Variants in YPEL2 observed in about 807,000 individuals in gnomAD.
YPEL2 encodes protein yippee-like 2.
Under a neutral mutation model 19.1 loss-of-function variants are expected in YPEL2, and 2 were observed. That is an observed-to-expected ratio of 0.10 (90% CI 0.04 to 0.33). The LOEUF (loss-of-function observed/expected upper bound fraction) is 0.33, where lower values mean the gene tolerates loss of function less well. Ranked by LOEUF, YPEL2 falls within the 10% of genes least tolerant of loss-of-function variation. YPEL2 has a pLI of 1.00. For synonymous variants in YPEL2, 52 were observed against 50.0 expected (o/e 1.04, Z -0.17); for missense variants, 66 against 140.7 (o/e 0.47, Z 2.68).
At chr17:59,388,433 T>A (rs1037490610) in intron 3 of YPEL2, 63 bp downstream of exon 3, 9 of 1,523,196 alleles carry the variant, frequency 5.9e-6, no homozygotes, top group Middle Eastern at 1.7e-4. Context: ...GAAAAAGCAA[T>A]CCTTGGTGAT....
intron 1 of YPEL2, among the ~76,000 whole-genome samples, chr17:59,334,392 G>GC (rs944513990): frequency 1.3e-5 from 2 of 148,160 alleles, no homozygotes; most frequent in African/African-American, 4.9e-5. Context: ...TTTTTATTTG[G>GC]GGGGGGGTGA....
Position 59,400,165 on chromosome 17 carries a change from C to T in YPEL2, c.*2975C>T, listed in dbSNP as rs1366633682. 1.3e-5 allele frequency: 2 copies of T among 152,590 alleles called. No homozygotes were observed. The highest frequency in any genetic ancestry group is 2.9e-5 in the Non-Finnish European group (2 of 68,030). The allele number at this position is 152,590 out of a possible 1,614,324, so 9.5% of individuals were successfully genotyped here. A position where few individuals can be genotyped will look rare whatever the true frequency, so the allele number is the denominator to read the frequency against. On this transcript the variant is annotated 3_prime_UTR_variant, in exon 5 of 5. Transcript: ENST00000312655. ...ACCAAACACAGCCAAACTCGATACC[C>T]ACAAGCTGTCAGCTGAACCTGACTG... is the stretch of plus-strand genomic sequence containing the variant.
At chr17:59,337,192 T>TG (rs1555568749) in intron 1 of YPEL2, among the ~76,000 whole-genome samples, 1 of 146,398 alleles carries the variant, frequency 6.8e-6, no homozygotes, top group Non-Finnish European at 1.5e-5. Flanking sequence ...TCTTTTTTTT[T>TG]GTTTTTTTTG....
intron 2 of YPEL2, among the ~76,000 whole-genome samples, chr17:59,388,035 G>A (rs1384317827): frequency 6.6e-6 from 1 of 152,230 alleles, no homozygotes; most frequent in Admixed American, 6.5e-5. Flanking sequence ...ATTACATCAG[G>A]CAATGTCAGG....
chr17:59,362,578 G>A (rs1286702478), intron 2 of YPEL2: 4 of 152,146 alleles, frequency 2.6e-5, no homozygotes, highest in Non-Finnish European at 5.9e-5. Context: ...AGGAAATGTT[G>A]ACTTGAGCGA....
intron 1 of YPEL2, among the ~76,000 whole-genome samples, chr17:59,340,616 C>T (rs1407220267): frequency 4.0e-5 from 6 of 151,442 alleles, no homozygotes; most frequent in South Asian, 2.1e-4. Flanking sequence ...GGGGTTTCAC[C>T]GTGTTAGCCA....
intron 1 of YPEL2, among the ~76,000 whole-genome samples, chr17:59,349,463 TAGCTGGGACTAC>T (rs1007063445): frequency 1.6e-4 from 24 of 150,016 alleles, no homozygotes; most frequent in East Asian, 1.0e-3. Context: ...GCCTCTCGAG[TAGCTGGGACTAC>T]AGCTGGGACT....
chr17:59,395,918 A>T (rs2048036870), intron 4 of YPEL2, among the ~76,000 whole-genome samples: 1 of 152,110 alleles, frequency 6.6e-6, no homozygotes, highest in Non-Finnish European at 1.5e-5. Context: ...CTCTACTGAA[A>T]ATACAAAAAA....
intron 2 of YPEL2, among the ~76,000 whole-genome samples, chr17:59,360,774 C>T (rs1244225536): frequency 6.6e-6 from 1 of 152,090 alleles, no homozygotes; most frequent in Non-Finnish European, 1.5e-5. Context: ...TACCTTTCCT[C>T]CATAGGGGCA....
intron 2 of YPEL2, among the ~76,000 whole-genome samples, chr17:59,364,278 T>C (rs765131565): frequency 1.1e-4 from 16 of 152,140 alleles, no homozygotes; most frequent in Non-Finnish European, 1.8e-4. Flanking sequence ...TTTTGCACTT[T>C]GCCACCTCCC....
At chr17:59,366,405 T>C (rs934418537) in intron 2 of YPEL2, among the ~76,000 whole-genome samples, 2 of 152,048 alleles carry the variant, frequency 1.3e-5, no homozygotes, top group African/African-American at 2.4e-5. Flanking sequence ...GCCCCTAAGG[T>C]TATCCGGGGC....
chr17:59,392,330 A>G (rs1246609262), intron 4 of YPEL2, among the ~76,000 whole-genome samples: 2 of 152,096 alleles, frequency 1.3e-5, no homozygotes, highest in African/African-American at 4.8e-5. Context: ...AAAAAAATGG[A>G]TAAGATCCAG....
At chr17:59,391,253 G>A (rs778725869) in intron 4 of YPEL2, among the ~76,000 whole-genome samples, 6 of 152,144 alleles carry the variant, frequency 3.9e-5, no homozygotes, top group Admixed American at 6.5e-5. Context: ...GAGTGCTGAC[G>A]ATATGTCAGT....
chr17:59,401,390 C>G lies in YPEL2; in HGVS notation c.*4200C>G, dbSNP rs2048070354. The G allele has an allele frequency of 6.6e-6, 1 of 152,570 alleles. No homozygotes were observed. Among genetic ancestry groups the G allele is most frequent in the Non-Finnish European group, 1.5e-5 (1 of 68,028 alleles). 9.5% of individuals were successfully genotyped at this position (152,570 alleles called of 1,614,324 possible). A position where few individuals can be genotyped will look rare whatever the true frequency, so the allele number is the denominator to read the frequency against. On this transcript the variant is annotated 3_prime_UTR_variant, in exon 5 of 5. Coordinates refer to ENST00000312655, the MANE Select transcript of YPEL2 (RefSeq NM_001005404.4). The stretch of plus-strand genomic sequence containing the variant: ...ACTATGAAAGCTATTCTCATGTTAC[C>G]AAATTCTATCTGCGCATATGTTTTT...
At chr17:59,375,719 G>A (rs1567751737) in intron 2 of YPEL2, among the ~76,000 whole-genome samples, 2 of 152,180 alleles carry the variant, frequency 1.3e-5, no homozygotes, top group East Asian at 3.8e-4. Context: ...AGCTTGGACT[G>A]TATGTTGTCT....
In YPEL2 at chr17:59,399,628, A is replaced by C. The variant is rs1035779317; in HGVS notation, c.*2438A>C. 2.6e-5 allele frequency: 4 copies of C among 152,240 alleles called. No homozygotes were observed. Among genetic ancestry groups the C allele is most frequent in the Non-Finnish European group, 4.4e-5 (3 of 68,014 alleles). The allele number at this position is 152,240 out of a possible 1,614,324, so 9.4% of individuals were successfully genotyped here. A position where few individuals can be genotyped will look rare whatever the true frequency, so the allele number is the denominator to read the frequency against. ...GTAGAGTGTTGGTTTTTCCATAACT[A>C]CAGGGGGAAAAAAAGTCATTAGGCT... On this transcript the variant is annotated 3_prime_UTR_variant, in exon 5 of 5. Transcript: ENST00000312655.
At chr17:59,378,347 C>CT (rs35976467) in intron 2 of YPEL2, among the ~76,000 whole-genome samples, 11,480 of 141,990 alleles carry the variant, frequency 0.081, 556 homozygotes, top group South Asian at 0.15. Context: ...GAGTCTCCTC[C>CT]TTTTTTTTTT....
At chr17:59,355,515 T>A (rs1286272455) in intron 2 of YPEL2, 1 of 152,248 alleles carries the variant, frequency 6.6e-6, no homozygotes, top group Non-Finnish European at 1.5e-5. Context: ...CCACATCGCC[T>A]GAATATGCAG....
intron 4 of YPEL2, among the ~76,000 whole-genome samples, chr17:59,389,958 GAC>G (rs1193043100): frequency 6.6e-6 from 1 of 152,062 alleles, no homozygotes; most frequent in Non-Finnish European, 1.5e-5. Context: ...GTAGTATTCT[GAC>G]ACAGAGCCCA....
Sources: gnomAD v4.1 joint callset for allele counts (sites outside exome capture counted in the v4.1 genomes callset) on GRCh38, gnomAD v4.1.1 for gene constraint, MANE v1.5 for transcripts, NCBI Gene and HGNC (gene_info 2026-07-23, HGNC 2026-07-21) for gene names.